RBFOX1: variants seen among roughly 807,000 people sequenced by gnomAD.
RBFOX1 encodes the protein RNA binding fox-1 homolog 1, also known as RNA binding protein fox-1 homolog 1.
RBFOX1 carries 8 observed loss-of-function variants against 57.7 expected under a neutral mutation model. The observed-to-expected ratio is 0.14, with a 90% CI of 0.08 to 0.25. The LOEUF (loss-of-function observed/expected upper bound fraction) is 0.25, where lower values mean the gene tolerates loss of function less well. Among genes scored for constraint, RBFOX1 ranks in the 10% least tolerant of loss-of-function variants. The pLI is 1.00. For missense variants in RBFOX1, 611 were observed against 548.5 expected, an observed-to-expected ratio of 1.11 and a Z score of -1.14; for synonymous variants, 326 against 222.4, an observed-to-expected ratio of 1.47 and a Z score of -4.15.
intron 3 of RBFOX1, among the ~76,000 whole-genome samples, chr16:6,761,332 T>G (rs774488593): frequency 1.9e-4 from 29 of 152,276 alleles, no homozygotes; most frequent in Middle Eastern, 3.4e-3. Context: ...AAAATGTCAC[T>G]TGTATATGTT....
chr16:6,488,971 A>G (rs1368947527), intron 2 of RBFOX1, among the ~76,000 whole-genome samples: 3 of 152,172 alleles, frequency 2.0e-5, no homozygotes, highest in Admixed American at 6.5e-5. Flanking sequence ...CTCTGGTTGG[A>G]TACTGTGACT....
chr16:5,519,148 A>G (rs1405213465), intron 2 of RBFOX1, among the ~76,000 whole-genome samples: 1 of 152,234 alleles, frequency 6.6e-6, no homozygotes, highest in Non-Finnish European at 1.5e-5. Context: ...GAACTGTGAG[A>G]GAAGTAAATT....
In RBFOX1 at chr16:5,791,778, C is replaced by T. The variant is rs1268426807; in HGVS notation, c.319-75525C>T. 4.6e-5 allele frequency among the ~76,000 whole-genome samples: 7 copies of T among 152,194 alleles called. No individual in the cohort carries two copies. In the South Asian group the frequency reaches 6.2e-4, roughly 14 times the overall value. On this transcript the variant is annotated intron_variant, in intron 3 of 19. Transcript: ENST00000641259. ...ATTCAAAAGTAAGCAATGCAATAAG[C>T]ATATGACATGTTTGATCTGAATATC...
chr16:6,175,407 C>T (rs1374140063), intron 1 of RBFOX1, among the ~76,000 whole-genome samples: 1 of 152,098 alleles, frequency 6.6e-6, no homozygotes, highest in African/African-American at 2.4e-5. Context: ...GTTAACATTA[C>T]ACGTTCTGCT....
At chr16:5,598,042 A>G (rs1252261060) in intron 2 of RBFOX1, among the ~76,000 whole-genome samples, 1 of 152,074 alleles carries the variant, frequency 6.6e-6, no homozygotes, top group Non-Finnish European at 1.5e-5. Flanking sequence ...CAGGCCGGTA[A>G]TGTTAGTACT....
chr16:5,970,275 C>G lies in RBFOX1; in HGVS notation c.351+102940C>G, dbSNP rs764163345. On this transcript the variant is annotated intron_variant, in intron 4 of 19. Transcript: ENST00000641259. ...CTATTTACTCATTTTGTTCTGGTTA[C>G]TCTTTTTTTTTATGTAGGGATTTTG... Among the ~76,000 whole-genome samples the G allele has an allele frequency of 3.2e-4, 48 of 152,102 alleles. 1 individual carries two copies. Among genetic ancestry groups the G allele is most frequent in the Non-Finnish European group, 5.4e-4 (37 of 67,998 alleles).
At chr16:6,872,558 C>G (rs1251602897) in intron 3 of RBFOX1, among the ~76,000 whole-genome samples, 1 of 152,102 alleles carries the variant, frequency 6.6e-6, no homozygotes, top group African/African-American at 2.4e-5. Flanking sequence ...TGGAAACATT[C>G]TTTAAAAAAA....
chr16:5,362,157 C>A (rs1259892839), intron 1 of RBFOX1, among the ~76,000 whole-genome samples: 1 of 152,098 alleles, frequency 6.6e-6, no homozygotes, highest in East Asian at 1.9e-4. Context: ...TAATATTGTG[C>A]AGCAGATCTC....
chr16:5,699,988 A>G (rs1301017763), intron 3 of RBFOX1, among the ~76,000 whole-genome samples: 1 of 151,722 alleles, frequency 6.6e-6, no homozygotes, highest in Non-Finnish European at 1.5e-5. Context: ...GCCCGCCACC[A>G]CGCCCGGCTA....
chr16:5,892,154 G>A (rs1314389678), intron 4 of RBFOX1, among the ~76,000 whole-genome samples: 2 of 152,144 alleles, frequency 1.3e-5, no homozygotes, highest in Non-Finnish European at 2.9e-5. Flanking sequence ...TGCATGGAAC[G>A]GTGCAGAGAA....
At chr16:6,401,487 C>G (rs1174936532) in intron 2 of RBFOX1, among the ~76,000 whole-genome samples, 1 of 152,158 alleles carries the variant, frequency 6.6e-6, no homozygotes, top group Non-Finnish European at 1.5e-5. Context: ...AAAACCTACG[C>G]TAATTTGAAG....
At chr16:6,457,055 T>C (rs1567318933) in intron 2 of RBFOX1, among the ~76,000 whole-genome samples, 1 of 152,110 alleles carries the variant, frequency 6.6e-6, no homozygotes, top group Non-Finnish European at 1.5e-5. Flanking sequence ...TTTGGGAGCC[T>C]TGGAGTATAA....
At chr16:5,935,666 G>A (rs7199199) in intron 4 of RBFOX1, among the ~76,000 whole-genome samples, 52,076 of 151,988 alleles carry the variant, frequency 0.34, 9,109 homozygotes, top group Middle Eastern at 0.56. Context: ...TAGGAAGGGC[G>A]GTCCCTCCAG....
intron 2 of RBFOX1, among the ~76,000 whole-genome samples, chr16:5,578,220 G>C (rs759978128): frequency 3.4e-4 from 52 of 152,208 alleles, no homozygotes; most frequent in Admixed American, 1.1e-3. Context: ...AGAGTGCTGG[G>C]ATTACAGGCA....
intron 4 of RBFOX1, among the ~76,000 whole-genome samples, chr16:7,430,169 T>G (rs969833959): frequency 1.3e-5 from 2 of 152,240 alleles, no homozygotes; most frequent in African/African-American, 4.8e-5. Flanking sequence ...CTAGCACATT[T>G]AAATATTTTT....
intron 3 of RBFOX1, among the ~76,000 whole-genome samples, chr16:6,751,540 G>A (rs1296913129): frequency 2.6e-5 from 4 of 152,120 alleles, no homozygotes; most frequent in African/African-American, 9.7e-5. Context: ...TCACTAGTTG[G>A]ATAAAGAACT....
In RBFOX1 at chr16:7,673,745, A is replaced by G. The variant is rs57293262; in HGVS notation, c.931-3029A>G. 8.5e-3 allele frequency among the ~76,000 whole-genome samples: 1,302 copies of G among 152,328 alleles called. 22 individuals are homozygous for G. Among genetic ancestry groups the G allele is most frequent in the African/African-American group, 0.03 (1,249 of 41,582 alleles). On this transcript the variant is annotated intron_variant, in intron 13 of 15. Coordinates refer to ENST00000550418, the MANE Select transcript of RBFOX1 (RefSeq NM_018723.4). Reference sequence around the variant, plus strand: ...ATTTGAAATTTTTATATAAGGTTACATTTATATTTTGCTGCCCATCCTGTG... The same window carrying G: ...ATTTGAAATTTTTATATAAGGTTACGTTTATATTTTGCTGCCCATCCTGTG...
intron 3 of RBFOX1, among the ~76,000 whole-genome samples, chr16:6,680,905 T>C (rs1364430709): frequency 1.3e-5 from 2 of 152,232 alleles, no homozygotes; most frequent in African/African-American, 4.8e-5. Context: ...TCAATATTTA[T>C]ACAAAGATTA....
At position 5,467,331 on chromosome 16, in the gene RBFOX1, C is replaced by T. The variant is rs1377140696; in HGVS notation, c.258+77C>T. 5.8e-6 allele frequency: 8 copies of T among 1,368,046 alleles called. No individual in the cohort carries two copies. In the East Asian group the frequency reaches 1.2e-4, roughly 21 times the overall value. 84.7% of individuals were successfully genotyped at this position (1,368,046 alleles called of 1,614,324 possible). A position where few individuals can be genotyped will look rare whatever the true frequency, so the allele number is the denominator to read the frequency against. ...TGAAAGCAATAGAAAAATCTTGCGTCACAGCCCTGCAACTTCACTGCCCAG... is the reference window on the plus strand; with the variant it reads ...TGAAAGCAATAGAAAAATCTTGCGTTACAGCCCTGCAACTTCACTGCCCAG... On this transcript the variant is annotated intron_variant, in intron 2 of 2. Coordinates refer to the RBFOX1 transcript ENST00000585867.
Sources: allele counts gnomAD v4.1 joint callset (sites outside exome capture counted in the v4.1 genomes callset), GRCh38; gene constraint gnomAD v4.1.1; transcripts MANE v1.5; gene names NCBI Gene and HGNC (gene_info 2026-07-23, HGNC 2026-07-21).